Variants in LETM1 observed in about 807,000 individuals in gnomAD.
LETM1 encodes mitochondrial proton/calcium exchanger protein.
LETM1 carries 50 observed loss-of-function variants against 74.5 expected under a neutral mutation model. The observed-to-expected ratio is 0.67, with a 90% CI of 0.53 to 0.85. The LOEUF (loss-of-function observed/expected upper bound fraction) is 0.85. Ranked by LOEUF, LETM1 falls within the 40% of genes least tolerant of loss-of-function variation. The pLI, the probability that LETM1 is intolerant of heterozygous loss-of-function variation, is 0.00. For synonymous variants in LETM1, 446 were observed against 407.1 expected (o/e 1.10, Z -1.15); for missense variants, 824 against 967.8 (o/e 0.85, Z 1.97).
At position 1,856,005 on chromosome 4, in the gene LETM1, G is replaced by T. The variant is rs1273049762; in HGVS notation, c.-55C>A. On this transcript the variant is annotated 5_prime_UTR_variant, in exon 1 of 14. Coordinates refer to ENST00000302787, the MANE Select transcript of LETM1 (RefSeq NM_012318.3). ...CCTGCGCTGCCTCCTTCTCCGCGGC[G>T]GCCGCGGCTCTTCGCCGTCCCGGCG... 1 of 1,103,640 alleles carries T rather than the reference G, an allele frequency of 9.1e-7. No homozygotes were observed. The highest frequency in any genetic ancestry group is 1.6e-5 in the African/African-American group (1 of 61,118). 68.4% of individuals were successfully genotyped at this position (1,103,640 alleles called of 1,614,324 possible). A position where few individuals can be genotyped will look rare whatever the true frequency, so the allele number is the denominator to read the frequency against.
intron 9 of LETM1, 64 bp downstream of exon 9, chr4:1,822,924 G>A (rs746181603): frequency 1.5e-5 from 20 of 1,300,210 alleles, no homozygotes; most frequent in South Asian, 5.1e-5. Context: ...GTGGGCGTGC[G>A]GGGGTTTCTA....
intron 6 of LETM1, among the ~76,000 whole-genome samples, chr4:1,830,869 T>G (rs995313376): frequency 1.3e-5 from 2 of 152,104 alleles, no homozygotes; most frequent in African/African-American, 4.8e-5. Context: ...TGACTTCCAG[T>G]GTGTCGCAGC....
intron 6 of LETM1, among the ~76,000 whole-genome samples, chr4:1,828,088 G>T: frequency 7.3e-6 from 1 of 136,944 alleles, no homozygotes; most frequent in African/African-American, 2.8e-5. Flanking sequence ...GGCTGGCCGG[G>T]CAGGGGGGCT....
At chr4:1,814,602 G>A in intron 13 of LETM1, 29 bp from the exon 14 acceptor site, 2 of 1,603,690 alleles carry the variant, frequency 1.2e-6, no homozygotes, top group Non-Finnish European at 1.7e-6. Context: ...GAGAGGCTCA[G>A]GTGGCTGCGC....
intron 6 of LETM1, 140 bp downstream of exon 6, chr4:1,832,604 A>G: frequency 1.4e-6 from 1 of 720,242 alleles, no homozygotes; most frequent in Non-Finnish European, 2.3e-6. Flanking sequence ...GCAATCTGCA[A>G]GTGGCAAGAC....
intron 5 of LETM1, 65 bp from the exon 6 acceptor site, chr4:1,833,012 A>G: frequency 1.4e-6 from 2 of 1,429,448 alleles, no homozygotes; most frequent in Non-Finnish European, 2.0e-6. Flanking sequence ...CCCACGACCA[A>G]CCACATTCCC....
intron 12 of LETM1, among the ~76,000 whole-genome samples, chr4:1,816,013 C>A (rs1711560166): frequency 6.6e-6 from 1 of 152,266 alleles, no homozygotes; most frequent in Non-Finnish European, 1.5e-5. Context: ...CACAGAAACA[C>A]CACCAGGTCC....
chr4:1,825,654 C>G lies in LETM1; in HGVS notation c.1110G>C (p.Leu370=), dbSNP rs138177511. 7.4e-6 allele frequency: 12 copies of G among 1,613,838 alleles called. No homozygotes were observed. In the African/African-American group the frequency reaches 1.3e-4, roughly 18 times the overall value. ...KLIAEEGVDS[L]NVKELQAACR... ...ACGCTGCCTGCAGCTCCTTGACATTCAGGCTGTCCACCCCTTCCTCAGCAA... is the reference window on the plus strand; with the variant it reads ...ACGCTGCCTGCAGCTCCTTGACATTGAGGCTGTCCACCCCTTCCTCAGCAA... Residue 370 remains leucine, a synonymous_variant, in exon 7 of 14, where the codon CTG becomes CTC. Coordinates refer to ENST00000302787, the MANE Select transcript of LETM1 (RefSeq NM_012318.3).
chr4:1,833,442 C>T (rs1034917297), intron 5 of LETM1: 5 of 171,964 alleles, frequency 2.9e-5, no homozygotes, highest in East Asian at 3.1e-4. Context: ...CTGGGGGAGA[C>T]GCCCGGGCCC....
rs1445502729 is a variant in LETM1, at chr4:1,841,566, C to G, written c.375G>C (p.Lys125Asn). ...RDDSVVEKSL[K>N]SLKDKNKKLE... Reference sequence around the variant, plus strand: ...GCTTCTTGTTCTTGTCCTTCAAGGACTTGAGGGACTTCTCTACTACCGAGT... The same window carrying G: ...GCTTCTTGTTCTTGTCCTTCAAGGAGTTGAGGGACTTCTCTACTACCGAGT... The change falls in exon 3 of 14, where the codon AAG (lysine) becomes AAC (asparagine). Residue 125 changes from lysine (K) to asparagine (N), a missense_variant. Coordinates refer to ENST00000302787, the MANE Select transcript of LETM1 (RefSeq NM_012318.3). 6.2e-7 allele frequency: 1 copy of G among 1,614,234 alleles called. No individual in the cohort carries two copies. The highest frequency in any genetic ancestry group is 8.5e-7 in the Non-Finnish European group (1 of 1,180,044).
At chr4:1,845,997 A>G (rs1577326364) in intron 2 of LETM1, among the ~76,000 whole-genome samples, 1 of 151,062 alleles carries the variant, frequency 6.6e-6, no homozygotes, top group East Asian at 2.0e-4. Context: ...ACCTGGGACT[A>G]CAGGCGCGCA....
At chr4:1,849,239 G>A in intron 1 of LETM1, 30 bp from the exon 2 acceptor site, 1 of 1,518,928 alleles carries the variant, frequency 6.6e-7, no homozygotes, top group Non-Finnish European at 9.1e-7. Flanking sequence ...AAATAAATGA[G>A]TAGTAAATCA....
At position 1,823,779 on chromosome 4, in the gene LETM1, C is replaced by T; in HGVS notation, c.1201-4G>A. 1 of 1,604,782 alleles carries T rather than the reference C, an allele frequency of 6.2e-7. No homozygotes were observed. Among genetic ancestry groups the T allele is most frequent in the Non-Finnish European group, 8.5e-7 (1 of 1,174,630 alleles). Reference sequence around the variant, plus strand: ...GATGCAGGTGCAGGTCCAGCCACTGCAACCAAGGCCAGGTTCAGCAGATGG... The same window carrying T: ...GATGCAGGTGCAGGTCCAGCCACTGTAACCAAGGCCAGGTTCAGCAGATGG... On this transcript the variant is annotated splice_polypyrimidine_tract_variant and splice_region_variant and intron_variant, in intron 7 of 13. Transcript: ENST00000302787.
At chr4:1,838,792 G>C (rs1307204137) in intron 3 of LETM1, among the ~76,000 whole-genome samples, 1 of 152,166 alleles carries the variant, frequency 6.6e-6, no homozygotes, top group Non-Finnish European at 1.5e-5. Flanking sequence ...AGGAGATGAG[G>C]CTGCACCTGG....
chr4:1,811,936 T>A lies in LETM1; in HGVS notation c.*2488A>T, dbSNP rs940150904. On this transcript the variant is annotated 3_prime_UTR_variant, in exon 14 of 14. Coordinates refer to ENST00000302787, the MANE Select transcript of LETM1 (RefSeq NM_012318.3). ...TGAAACCCCATCTCTAATAAAAACT[T>A]GCCCGTAATCCCAGCACTTTGGGAG... 6.6e-6 allele frequency: 1 copy of A among 151,954 alleles called. No homozygotes were observed. Among genetic ancestry groups the A allele is most frequent in the Non-Finnish European group, 1.5e-5 (1 of 68,036 alleles). The allele number at this position is 151,954 out of a possible 1,614,324, so 9.4% of individuals were successfully genotyped here. A position where few individuals can be genotyped will look rare whatever the true frequency, so the allele number is the denominator to read the frequency against.
In LETM1 at chr4:1,842,593, C is replaced by T. The variant is rs116231226; in HGVS notation, c.144-796G>A. Among the ~76,000 whole-genome samples the T allele has an allele frequency of 8.7e-4, 132 of 152,364 alleles. 1 individual carries two copies. Among genetic ancestry groups the T allele is most frequent in the Middle Eastern group, 3.4e-3 (1 of 294 alleles). ...GACCAGGTGCACACTGTGTGCACCA[C>T]ATTTGCTTTCTCCCAACTGGAATGT... On this transcript the variant is annotated intron_variant, in intron 2 of 13. Coordinates refer to ENST00000302787, the MANE Select transcript of LETM1 (RefSeq NM_012318.3).
chr4:1,851,102 C>G (rs555568355), intron 1 of LETM1, among the ~76,000 whole-genome samples: 8 of 152,272 alleles, frequency 5.3e-5, no homozygotes, highest in African/African-American at 1.9e-4. Flanking sequence ...AGAGTTCATT[C>G]GTATTACTGA....
intron 1 of LETM1, among the ~76,000 whole-genome samples, chr4:1,850,549 C>T (rs1713033201): frequency 1.3e-5 from 2 of 151,340 alleles, no homozygotes; most frequent in South Asian, 4.2e-4. Context: ...GCCTGTAATC[C>T]CAGCACAGAC....
chr4:1,822,083 T>A, intron 10 of LETM1, 98 bp downstream of exon 10: 1 of 1,211,804 alleles, frequency 8.3e-7, no homozygotes, highest in Non-Finnish European at 1.1e-6. Flanking sequence ...GGGCTATAGA[T>A]GCCCCAGCTA....
Sources: allele counts gnomAD v4.1 joint callset (sites outside exome capture counted in the v4.1 genomes callset), GRCh38; gene constraint gnomAD v4.1.1; transcripts MANE v1.5; gene names NCBI Gene and HGNC (gene_info 2026-07-23, HGNC 2026-07-21).